The following WWOX variants were observed in gnomAD, a reference collection of about 807,000 sequenced individuals.
The protein encoded by WWOX is WW domain containing oxidoreductase.
WWOX carries 69 observed loss-of-function variants against 46.2 expected under a neutral mutation model. That is an observed-to-expected ratio of 1.49 (90% confidence interval 1.23 to 1.82). WWOX has a LOEUF of 1.82. WWOX is among the 40% of genes most tolerant of loss of function. The pLI is 0.00. For missense variants in WWOX, 919 were observed against 542.6 expected (o/e 1.69, Z -6.89); for synonymous variants, 359 against 202.6 (o/e 1.77, Z -6.56).
chr16:78,431,900 G>T (rs891825555), intron 7 of WWOX, among the ~76,000 whole-genome samples: 3 of 151,886 alleles, frequency 2.0e-5, no homozygotes, highest in Admixed American at 6.6e-5. Flanking sequence ...ATTTTTTGTA[G>T]ACATGGTGTC....
chr16:78,360,544 C>A (rs1329532621), intron 5 of WWOX, among the ~76,000 whole-genome samples: 1 of 146,916 alleles, frequency 6.8e-6, no homozygotes, highest in African/African-American at 2.6e-5. Context: ...AAGCGGAGTG[C>A]CACTGCACTC....
At chr16:78,732,383 G>A (rs1597509211) in intron 8 of WWOX, among the ~76,000 whole-genome samples, 1 of 152,104 alleles carries the variant, frequency 6.6e-6, no homozygotes, top group Non-Finnish European at 1.5e-5. Flanking sequence ...AAATAGAGAG[G>A]AATTGAGGCC....
At chr16:78,871,805 A>G (rs762171695) in intron 8 of WWOX, among the ~76,000 whole-genome samples, 2 of 152,106 alleles carry the variant, frequency 1.3e-5, no homozygotes, top group Non-Finnish European at 2.9e-5. Context: ...GTTTCACCAT[A>G]TTGGCCAGGC....
At chr16:78,495,667 C>T (rs566615369) in intron 8 of WWOX, among the ~76,000 whole-genome samples, 5 of 151,866 alleles carry the variant, frequency 3.3e-5, no homozygotes, top group African/African-American at 1.2e-4. Context: ...CGCCACGGCA[C>T]CTGGCTAATT....
intron 8 of WWOX, among the ~76,000 whole-genome samples, chr16:78,617,800 G>C (rs947327814): frequency 3.9e-5 from 6 of 152,218 alleles, no homozygotes; most frequent in Admixed American, 3.3e-4. Flanking sequence ...CAGCATCCCA[G>C]GAACTCCGTT....
chr16:79,035,842 G>A (rs948145265), intron 8 of WWOX, among the ~76,000 whole-genome samples: 1 of 152,330 alleles, frequency 6.6e-6, no homozygotes, highest in African/African-American at 2.4e-5. Flanking sequence ...CAGGGATCCT[G>A]CCTCTGCCTC....
At chr16:78,313,581 G>A (rs1275869803) in intron 5 of WWOX, among the ~76,000 whole-genome samples, 1 of 152,142 alleles carries the variant, frequency 6.6e-6, no homozygotes, top group Non-Finnish European at 1.5e-5. Context: ...GGTCAGGCTG[G>A]CCTCAAACTC....
At chr16:78,739,274 G>A (rs892656904) in intron 8 of WWOX, among the ~76,000 whole-genome samples, 1 of 152,182 alleles carries the variant, frequency 6.6e-6, no homozygotes, top group Non-Finnish European at 1.5e-5. Flanking sequence ...AAGGGTGCTT[G>A]TTCAGCTTGG....
At chr16:78,993,341 C>A (rs527377891) in intron 8 of WWOX, among the ~76,000 whole-genome samples, 24 of 152,228 alleles carry the variant, frequency 1.6e-4, no homozygotes, top group African/African-American at 5.5e-4. Flanking sequence ...TGTTTTATAT[C>A]TTGAATATTT....
chr16:78,788,576 G>A (rs186773072), intron 8 of WWOX, among the ~76,000 whole-genome samples: 67 of 152,328 alleles, frequency 4.4e-4, no homozygotes, highest in Non-Finnish European at 7.4e-4. Flanking sequence ...GGCTGCCTAG[G>A]AAGGGCTGGA....
chr16:78,173,674 A>G (rs1358991025), intron 5 of WWOX, among the ~76,000 whole-genome samples: 1 of 152,160 alleles, frequency 6.6e-6, no homozygotes, highest in Non-Finnish European at 1.5e-5. Flanking sequence ...CATAGTAAAG[A>G]TTCAGTAAAT....
chr16:78,819,020 TGAGAAAATTAAATGGAAA>T (rs1168993784), intron 8 of WWOX, among the ~76,000 whole-genome samples: 2 of 152,192 alleles, frequency 1.3e-5, no homozygotes, highest in African/African-American at 4.8e-5. Context: ...GGAGGCTTGT[TGAGAAAATTAAATGGAAA>T]CGATAACGGC....
rs1209478168 is a variant in WWOX at position 78,144,456 on chromosome 16, TATATATACACAC to T, written c.410-19719_410-19708del. On this transcript the variant is annotated intron_variant, in intron 4 of 8. Transcript: ENST00000566780. ...ATATATATATATATATACACATATA[TATATATACACAC>T]ATATATATATATATATATACACACA... Among the ~76,000 whole-genome samples the T allele has an allele frequency of 7.3e-4, 25 of 34,380 alleles. 4 individuals carry two copies. In the South Asian group the frequency reaches 0.014, roughly 19 times the overall value. 22.6% of individuals were successfully genotyped at this position (34,380 alleles called of 152,430 possible).
intron 8 of WWOX, among the ~76,000 whole-genome samples, chr16:79,172,473 G>A (rs1017261723): frequency 1.3e-5 from 2 of 152,028 alleles, no homozygotes; most frequent in African/African-American, 2.4e-5. Flanking sequence ...CTGTAGTCCC[G>A]AGCCCTGTGT....
chr16:78,796,456 A>G lies in WWOX; in HGVS notation c.1056+363704A>G, dbSNP rs571221040. 4.6e-5 allele frequency among the ~76,000 whole-genome samples: 7 copies of G among 152,392 alleles called. No homozygotes were observed. In the East Asian group the frequency reaches 7.7e-4, roughly 17 times the overall value. On this transcript the variant is annotated intron_variant, in intron 8 of 8. Coordinates refer to ENST00000566780, the MANE Select transcript of WWOX (RefSeq NM_016373.4). ...TTGGCCAGAATTCAGTCACATGATC[A>G]CAACCAACTGCAAGGGATTCTGGGA...
rs112801061 is a variant in WWOX at position 78,347,556 on chromosome 16, C to G, written c.517-39304C>G. Among the ~76,000 whole-genome samples, 13 of 119,666 alleles carry G rather than the reference C, an allele frequency of 1.1e-4. 5 individuals are homozygous for G. Among genetic ancestry groups the G allele is most frequent in the African/African-American group, 3.7e-4 (13 of 35,318 alleles). 78.5% of individuals were successfully genotyped at this position (119,666 alleles called of 152,430 possible). On this transcript the variant is annotated intron_variant, in intron 5 of 8. Transcript: ENST00000566780. ...GAGCTTCTTAGGCGTGTTGCATCTT[C>G]CTGACCTTCCCAGTCCGAAGCCCAA...
chr16:79,080,822 A>G (rs1370358220), intron 8 of WWOX, among the ~76,000 whole-genome samples: 1 of 152,194 alleles, frequency 6.6e-6, no homozygotes. Context: ...TTTAAGGAAT[A>G]AAAAGGAAAA....
At chr16:78,640,377 C>G (rs941358872) in intron 8 of WWOX, among the ~76,000 whole-genome samples, 1 of 151,902 alleles carries the variant, frequency 6.6e-6, no homozygotes, top group African/African-American at 2.4e-5. Context: ...CCGCTCTGAG[C>G]TAGAATCCTG....
At chr16:79,166,701 C>T (rs2050601389) in intron 8 of WWOX, among the ~76,000 whole-genome samples, 1 of 152,188 alleles carries the variant, frequency 6.6e-6, no homozygotes, top group South Asian at 2.1e-4. Flanking sequence ...TACTGTCCCT[C>T]AAGACCGCTG....
Sources: gnomAD v4.1 joint callset for allele counts (sites outside exome capture counted in the v4.1 genomes callset) on GRCh38, gnomAD v4.1.1 for gene constraint, MANE v1.5 for transcripts, NCBI Gene and HGNC (gene_info 2026-07-23, HGNC 2026-07-21) for gene names.